ADD3: variants seen among roughly 807,000 people sequenced by gnomAD.
ADD3 encodes the protein adducin 3.
In ADD3, 25 loss-of-function variants were observed where a neutral mutation model predicts 80.2. The observed-to-expected ratio is 0.31, with a 90% confidence interval of 0.23 to 0.44. ADD3 has a LOEUF of 0.44. Among genes scored for constraint, ADD3 ranks in the 20% least tolerant of loss-of-function variants. The pLI is 1.00. For missense variants in ADD3, 829 were observed against 847.5 expected (o/e 0.98, Z 0.27); for synonymous variants, 284 against 289.6 (o/e 0.98, Z 0.20).
At chr10:110,053,124 G>A (rs1857720804) in intron 1 of ADD3, among the ~76,000 whole-genome samples, 1 of 152,132 alleles carries the variant, frequency 6.6e-6, no homozygotes, top group African/African-American at 2.4e-5. Context: ...CAAGCCAGAT[G>A]GCTGAGAGCA....
chr10:110,067,550 C>A (rs1844118310), intron 1 of ADD3, among the ~76,000 whole-genome samples: 1 of 152,122 alleles, frequency 6.6e-6, no homozygotes, highest in African/African-American at 2.4e-5. Context: ...CACAGTATTG[C>A]TTATCTTGGA....
At chr10:110,126,386 G>T (rs757052314) in intron 11 of ADD3, 31 bp from the exon 12 acceptor site, 3 of 1,570,692 alleles carry the variant, frequency 1.9e-6, no homozygotes, top group South Asian at 2.2e-5. Context: ...TTGCCCTCAA[G>T]AACTTTATAT....
chr10:110,079,462 G>GAGAGTGTC (rs1845803092), intron 1 of ADD3, among the ~76,000 whole-genome samples: 1 of 55,054 alleles, frequency 1.8e-5, no homozygotes, highest in African/African-American at 8.1e-5. Flanking sequence ...GAGAGAGAGA[G>GAGAGTGTC]TGTGTGTGTG....
intron 1 of ADD3, among the ~76,000 whole-genome samples, chr10:110,061,508 A>T (rs1403103332): frequency 6.6e-6 from 1 of 152,242 alleles, no homozygotes; most frequent in Non-Finnish European, 1.5e-5. Context: ...GTATAAAGCA[A>T]ATAGGTACTG....
intron 1 of ADD3, among the ~76,000 whole-genome samples, chr10:109,996,721 C>T (rs544256121): frequency 6.6e-6 from 1 of 152,318 alleles, no homozygotes; most frequent in East Asian, 1.9e-4. Flanking sequence ...GGTAGAAACT[C>T]AGTATCTGGG....
Position 110,119,664 on chromosome 10 carries a change from T to C in ADD3, c.960+100T>C, listed in dbSNP as rs1451624907. The C allele has an allele frequency of 2.9e-6, 3 of 1,018,870 alleles. No individual in the cohort carries two copies. The Admixed American group carries it at 7.0e-5, about 24-fold the overall frequency. 63.1% of individuals were successfully genotyped at this position (1,018,870 alleles called of 1,614,324 possible). ...AAATACATATTAGTTAGTGGCTTTT[T>C]GTCTTTTAAGAGAAGTTCTGCTCTA... is the stretch of plus-strand genomic sequence containing the variant. On this transcript the variant is annotated intron_variant, in intron 8 of 14. Coordinates refer to ENST00000356080, the MANE Select transcript of ADD3 (RefSeq NM_016824.5).
At chr10:110,088,378 A>G (rs1481685452) in intron 1 of ADD3, among the ~76,000 whole-genome samples, 2 of 152,354 alleles carry the variant, frequency 1.3e-5, no homozygotes, top group East Asian at 3.9e-4. Context: ...GTGAACTTGC[A>G]CTTAAAACCA....
chr10:110,133,613 G>A lies in ADD3; in HGVS notation c.2116G>A (p.Ala706Thr). 1 of 1,573,176 alleles carries A rather than the reference G, an allele frequency of 6.4e-7. No homozygotes were observed. The highest frequency in any genetic ancestry group is 8.6e-7 in the Non-Finnish European group (1 of 1,165,954). ...GAACAAAAAAAAGGAGAAAGTTGAG[G>A]CCTAAATAAAGTCTTTTTATAATTA... ...KKNKKKEKVE[A>T] is the part of the protein sequence containing the mutation. The change falls in exon 15 of 15, where the codon GCC (alanine) becomes ACC (threonine). Residue 706 changes from alanine (A) to threonine (T), a missense_variant. Coordinates refer to ENST00000356080, the MANE Select transcript of ADD3 (RefSeq NM_016824.5).
chr10:110,126,345 T>C (rs1852153725), intron 11 of ADD3, 72 bp from the exon 12 acceptor site: 12 of 1,165,030 alleles, frequency 1.0e-5, no homozygotes, highest in Non-Finnish European at 1.5e-5. Flanking sequence ...TAAGCTTTTA[T>C]GAAAAGATAA....
chr10:110,090,863 T>C (rs1365716043), intron 1 of ADD3, among the ~76,000 whole-genome samples: 1 of 152,204 alleles, frequency 6.6e-6, no homozygotes, highest in East Asian at 1.9e-4. Flanking sequence ...TTCCCTTGAC[T>C]TTAAGTTGGA....
chr10:110,084,888 A>C (rs1034513318), intron 1 of ADD3, among the ~76,000 whole-genome samples: 2 of 152,118 alleles, frequency 1.3e-5, no homozygotes, highest in African/African-American at 4.8e-5. Flanking sequence ...CCATAAATTA[A>C]ATAGTTAATT....
intron 1 of ADD3, among the ~76,000 whole-genome samples, chr10:110,054,439 C>CTTTTTTT (rs36097209): frequency 2.5e-5 from 2 of 80,884 alleles, no homozygotes; most frequent in African/African-American, 7.9e-5. Context: ...CCAGTTTTCT[C>CTTTTTTT]TTTTTTTTTT....
intron 1 of ADD3, among the ~76,000 whole-genome samples, chr10:110,023,360 T>G (rs1478961287): frequency 1.3e-5 from 2 of 152,176 alleles, no homozygotes; most frequent in African/African-American, 4.8e-5. Flanking sequence ...GTCTTGATCT[T>G]AGACTTCCCA....
intron 12 of ADD3, among the ~76,000 whole-genome samples, chr10:110,129,834 A>G (rs181390369): frequency 2.6e-5 from 4 of 151,944 alleles, no homozygotes; most frequent in Non-Finnish European, 2.9e-5. Flanking sequence ...GTTTTTTTCT[A>G]TTCCTTTACT....
Position 110,112,881 on chromosome 10 carries a change from C to T in ADD3, c.300C>T (p.Ala100=). Residue 100 remains alanine, a synonymous_variant, in exon 3 of 15, where the codon GCC becomes GCT. Transcript: ENST00000356080. ...AGCAGATTGCAGATTACATCATGGC[C>T]AATTCTTTCTCGGGTTTTTCTTCAC... is the stretch of plus-strand genomic sequence containing the variant. ...ALQQIADYIM[A]NSFSGFSSPP... is the part of the protein sequence containing the mutation. 2 of 1,613,844 alleles carry T rather than the reference C, an allele frequency of 1.2e-6. No homozygotes were observed. The highest frequency in any genetic ancestry group is 1.7e-6 in the Non-Finnish European group (2 of 1,179,938).
chr10:110,041,975 T>C (rs1856419072), intron 1 of ADD3, among the ~76,000 whole-genome samples: 1 of 152,224 alleles, frequency 6.6e-6, no homozygotes, highest in Non-Finnish European at 1.5e-5. Context: ...AAATAAAATA[T>C]TCTAAAGTTG....
chr10:110,004,059 G>A (rs761088467), upstream of ADD3, among the ~76,000 whole-genome samples: 45 of 152,136 alleles, frequency 3.0e-4, no homozygotes, highest in African/African-American at 7.0e-4. Context: ...TTCAATTTGC[G>A]GGGAGGGGAT....
chr10:110,090,293 C>T (rs777285464), intron 1 of ADD3, among the ~76,000 whole-genome samples: 2 of 147,462 alleles, frequency 1.4e-5, no homozygotes, highest in Admixed American at 6.9e-5. Context: ...GATCTCAGCT[C>T]ACTGCAACCT....
In ADD3 at chr10:110,064,837, G is replaced by A. The variant is rs148428692; in HGVS notation, c.-29-35788G>A. ...TTTGTTATTGCTATTTTTTTATACA[G>A]TATTTTTAAAACTGCATGTTTCCCA... On this transcript the variant is annotated intron_variant, in intron 1 of 14. Coordinates refer to ENST00000356080, the MANE Select transcript of ADD3 (RefSeq NM_016824.5). Among the ~76,000 whole-genome samples the A allele has an allele frequency of 3.0e-3, 452 of 151,976 alleles. 3 individuals are homozygous for A. Among genetic ancestry groups the A allele is most frequent in the African/African-American group, 0.01 (428 of 41,440 alleles).
Sources: allele counts gnomAD v4.1 joint callset (sites outside exome capture counted in the v4.1 genomes callset), GRCh38; gene constraint gnomAD v4.1.1; transcripts MANE v1.5; gene names NCBI Gene and HGNC (gene_info 2026-07-23, HGNC 2026-07-21).